Variants in PIKFYVE observed in about 807,000 individuals in gnomAD.
PIKFYVE encodes 1-phosphatidylinositol 3-phosphate 5-kinase.
A neutral mutation model predicts 257.9 loss-of-function variants in PIKFYVE; 122 were observed. The observed-to-expected ratio is 0.47, with a 90% CI of 0.41 to 0.55. PIKFYVE has a LOEUF of 0.55. Among genes scored for constraint, PIKFYVE ranks in the 20% least tolerant of loss-of-function variants. The pLI is 0.00. For synonymous variants in PIKFYVE, 892 were observed against 868.9 expected (o/e 1.03, Z -0.47); for missense variants, 2,160 against 2,536.6 (o/e 0.85, Z 3.19).
At chr2:208,321,845 G>A (rs1696284223) in intron 17 of PIKFYVE, among the ~76,000 whole-genome samples, 2 of 152,024 alleles carry the variant, frequency 1.3e-5, no homozygotes, top group Admixed American at 1.3e-4. Flanking sequence ...CCAAAATGCT[G>A]GGATTACAGG....
intron 19 of PIKFYVE, 74 bp from the exon 20 acceptor site, chr2:208,325,196 A>T (rs1696778508): frequency 1.3e-6 from 2 of 1,559,384 alleles, no homozygotes; most frequent in African/African-American, 2.7e-5. Context: ...ATATTAAGAG[A>T]GTGAATTAAT....
At position 208,355,402 on chromosome 2, in the gene PIKFYVE, C is replaced by T. The variant is rs41305596; in HGVS notation, c.*97C>T. 2.5e-4 allele frequency: 227 copies of T among 903,414 alleles called. No individual in the cohort carries two copies. Among genetic ancestry groups the T allele is most frequent in the Non-Finnish European group, 3.8e-4 (216 of 565,186 alleles). 56.0% of individuals were successfully genotyped at this position (903,414 alleles called of 1,614,324 possible). ...ATGTTTTATTTCTTCATCGTGTTCA[C>T]CACTGTATGCCAAGGCTTTTCAGTT... On this transcript the variant is annotated 3_prime_UTR_variant, in exon 42 of 42. Coordinates refer to ENST00000264380, the MANE Select transcript of PIKFYVE (RefSeq NM_015040.4).
Position 208,325,090 on chromosome 2 carries a change from A to G in PIKFYVE, c.2458+53A>G, listed in dbSNP as rs769176421. The G allele has an allele frequency of 1.7e-5, 28 of 1,609,584 alleles. No individual in the cohort carries two copies. In the Middle Eastern group the frequency reaches 6.6e-4, roughly 38 times the overall value. ...TGAGGAAAAGAGTTAACTTATCACT[A>G]CTACAATGTTTACTTACTAGGAAAT... On this transcript the variant is annotated intron_variant, in intron 19 of 41. Transcript: ENST00000264380.
intron 12 of PIKFYVE, among the ~76,000 whole-genome samples, chr2:208,309,510 T>G (rs1399206010): frequency 6.6e-6 from 1 of 152,216 alleles, no homozygotes; most frequent in Non-Finnish European, 1.5e-5. Flanking sequence ...TCCAATTTAC[T>G]GTTTTGTGTT....
chr2:208,352,833 C>G, intron 39 of PIKFYVE, 51 bp downstream of exon 39: 1 of 1,593,300 alleles, frequency 6.3e-7, no homozygotes, highest in Non-Finnish European at 8.6e-7. Flanking sequence ...CCTTTTGTAC[C>G]TTTGGTTCTT....
intron 3 of PIKFYVE, among the ~76,000 whole-genome samples, chr2:208,275,237 G>C (rs530103466): frequency 6.6e-6 from 1 of 152,356 alleles, no homozygotes; most frequent in Admixed American, 6.5e-5. Flanking sequence ...TAAGGGCATA[G>C]AGCTAGACCA....
At chr2:208,329,937 G>C in intron 22 of PIKFYVE, 24 bp downstream of exon 22, 1 of 1,607,234 alleles carries the variant, frequency 6.2e-7, no homozygotes, top group Non-Finnish European at 8.5e-7. Flanking sequence ...TCTTCCTTCT[G>C]TTCCATTACA....
chr2:208,329,491 A>AAGAG (rs1284320434), intron 21 of PIKFYVE, among the ~76,000 whole-genome samples: 1 of 152,234 alleles, frequency 6.6e-6, no homozygotes, highest in East Asian at 1.9e-4. Context: ...AGGCATGGAC[A>AAGAG]AGAGAGTAGG....
At chr2:208,334,640 G>A in intron 24 of PIKFYVE, 1 of 152,492 alleles carries the variant, frequency 6.6e-6, no homozygotes, top group Non-Finnish European at 1.5e-5. Flanking sequence ...CCCCATCCTA[G>A]CACTCTGCTT....
intron 9 of PIKFYVE, among the ~76,000 whole-genome samples, chr2:208,301,504 T>C: frequency 6.6e-6 from 1 of 152,040 alleles, no homozygotes; most frequent in East Asian, 1.9e-4. Context: ...TAAAAAAGAG[T>C]AACAGACAGG....
At chr2:208,306,818 C>T (rs1694379500) in intron 12 of PIKFYVE, among the ~76,000 whole-genome samples, 1 of 149,168 alleles carries the variant, frequency 6.7e-6, no homozygotes, top group African/African-American at 2.5e-5. Flanking sequence ...GACTCTGTTG[C>T]CCAGGCTGGA....
rs922743903 is a variant in PIKFYVE, at chr2:208,291,707, C to CT, written c.911+2897dup. Among the ~76,000 whole-genome samples, 90 of 151,802 alleles carry CT rather than the reference C, an allele frequency of 5.9e-4. 1 individual carries two copies. The highest frequency in any genetic ancestry group is 1.7e-3 in the African/African-American group (72 of 41,454). On this transcript the variant is annotated intron_variant, in intron 7 of 41. Coordinates refer to ENST00000264380, the MANE Select transcript of PIKFYVE (RefSeq NM_015040.4). ...GATATTAGTACTTTGTGTTTTCTCC[C>CT]TTTTTTTTCTCAGCCTGGCTGGATA... is the stretch of plus-strand genomic sequence containing the variant.
chr2:208,320,660 T>C (rs180744473), intron 17 of PIKFYVE, among the ~76,000 whole-genome samples: 26 of 152,210 alleles, frequency 1.7e-4, no homozygotes, highest in African/African-American at 6.3e-4. Flanking sequence ...ATGGAATCTC[T>C]GGTTTGTAAT....
rs554779853 is a variant in PIKFYVE at position 208,285,656 on chromosome 2, C to T, written c.614-70C>T. 23 of 1,355,704 alleles carry T rather than the reference C, an allele frequency of 1.7e-5. No homozygotes were observed. In the South Asian group the frequency reaches 1.8e-4, roughly 10 times the overall value. 84.0% of individuals were successfully genotyped at this position (1,355,704 alleles called of 1,614,324 possible). A position where few individuals can be genotyped will look rare whatever the true frequency, so the allele number is the denominator to read the frequency against. On this transcript the variant is annotated intron_variant, in intron 5 of 41. Transcript: ENST00000264380. ...TTGACCCAAGGAGTTAAAAAAGTTA[C>T]GTTAAGCAATATGTTACTGCTATCT...
At position 208,350,867 on chromosome 2, in the gene PIKFYVE, A is replaced by G; in HGVS notation, c.5531A>G (p.Asp1844Gly). 2 of 1,614,174 alleles carry G rather than the reference A, an allele frequency of 1.2e-6. No individual in the cohort carries two copies. The highest frequency in any genetic ancestry group is 1.7e-4 in the Middle Eastern group (1 of 6,048). ...GTGATTCTGGACAGCAGTGAAGAAG[A>G]TTTCATTCGTTCCCTCTCCCACTCA... ...REVILDSSEE[D>G]FIRSLSHSSP... is the part of the protein sequence containing the mutation. Residue 1844 changes from aspartate (D) to glycine (G), a missense_variant, in exon 37 of 42, where the codon GAT (aspartate) becomes GGT (glycine). This residue lies in a region of PIKFYVE where 699 missense variants were observed against 855.8 expected (regional missense o/e 0.82). Coordinates refer to ENST00000264380, the MANE Select transcript of PIKFYVE (RefSeq NM_015040.4).
chr2:208,297,717 C>CAT (rs1693163351), intron 7 of PIKFYVE, among the ~76,000 whole-genome samples: 1 of 152,136 alleles, frequency 6.6e-6, no homozygotes. Flanking sequence ...TCTAACATAT[C>CAT]ATAGGTGCTT....
chr2:208,290,157 T>C (rs1692116430), intron 7 of PIKFYVE, among the ~76,000 whole-genome samples: 1 of 152,168 alleles, frequency 6.6e-6, no homozygotes, highest in Non-Finnish European at 1.5e-5. Context: ...AACATTAGAA[T>C]TCACTCTTGG....
intron 24 of PIKFYVE, among the ~76,000 whole-genome samples, chr2:208,333,879 G>T (rs1370395694): frequency 6.6e-6 from 1 of 152,148 alleles, no homozygotes; most frequent in Non-Finnish European, 1.5e-5. Flanking sequence ...GTGTGCTCAA[G>T]TGATTCTCCT....
intron 3 of PIKFYVE, 42 bp from the exon 4 acceptor site, chr2:208,276,669 TA>T (rs1690148088): frequency 7.2e-7 from 1 of 1,380,588 alleles, no homozygotes; most frequent in Non-Finnish European, 1.0e-6. Context: ...ATATAGATAC[TA>T]GGGACTGTTA....
Sources: gnomAD v4.1 joint callset for allele counts (sites outside exome capture counted in the v4.1 genomes callset) on GRCh38, gnomAD v4.1.1 for gene constraint, gnomAD v4.1.1 regional missense constraint, MANE v1.5 for transcripts, NCBI Gene and HGNC (gene_info 2026-07-23, HGNC 2026-07-21) for gene names.